HSF2: variants seen among roughly 807,000 people sequenced by gnomAD.
HSF2 encodes the protein heat shock factor protein 2.
Under a neutral mutation model 65.0 loss-of-function variants are expected in HSF2, and 21 were observed. The observed-to-expected ratio is 0.32, with a 90% CI of 0.23 to 0.47. HSF2 has a LOEUF of 0.47. Among genes scored for constraint, HSF2 ranks in the 20% least tolerant of loss-of-function variants. The pLI, the probability that HSF2 is intolerant of heterozygous loss-of-function variation, is 1.00. For synonymous variants in HSF2, 225 were observed against 219.1 expected, an observed-to-expected ratio of 1.03 and a Z score of -0.24; for missense variants, 499 against 628.1, an observed-to-expected ratio of 0.79 and a Z score of 2.20.
chr6:122,402,607 C>T lies in HSF2; in HGVS notation c.93+2777C>T, dbSNP rs115447093. On this transcript the variant is annotated intron_variant, in intron 1 of 12. Coordinates refer to ENST00000368455, the MANE Select transcript of HSF2 (RefSeq NM_004506.4). ...AGTATCACTCTGTCACCCTGGAGTACGGTGGCACGATCTCGGCTCACTGCA... is the reference window on the plus strand; with the variant it reads ...AGTATCACTCTGTCACCCTGGAGTATGGTGGCACGATCTCGGCTCACTGCA... Among the ~76,000 whole-genome samples the T allele has an allele frequency of 2.1e-3, 311 of 151,602 alleles. 2 individuals are homozygous for T. The highest frequency in any genetic ancestry group is 0.014 in the Middle Eastern group (4 of 294).
chr6:122,408,037 G>A (rs1266920082), intron 1 of HSF2, among the ~76,000 whole-genome samples: 1 of 151,964 alleles, frequency 6.6e-6, no homozygotes, highest in East Asian at 1.9e-4. Flanking sequence ...AACCTGGGGG[G>A]TCCTATCTTC....
rs370931192 is a variant in HSF2 at position 122,399,704 on chromosome 6, G to A, written c.-34G>A. ...CCGCCGCCGCTACCACCGCGTTCGG[G>A]TGTAGAATTTGGAATCCCTGCGCCG... is the stretch of plus-strand genomic sequence containing the variant. On this transcript the variant is annotated 5_prime_UTR_variant, in exon 1 of 13. It adds an upstream start codon to the 5' untranslated region. Coordinates refer to ENST00000368455, the MANE Select transcript of HSF2 (RefSeq NM_004506.4). The A allele has an allele frequency of 1.1e-4, 175 of 1,559,346 alleles. No homozygotes were observed. Among genetic ancestry groups the A allele is most frequent in the East Asian group, 9.0e-4 (39 of 43,118 alleles).
At chr6:122,425,065 G>T (rs1387486534) in intron 10 of HSF2, among the ~76,000 whole-genome samples, 1 of 151,702 alleles carries the variant, frequency 6.6e-6, no homozygotes, top group Non-Finnish European at 1.5e-5. Flanking sequence ...CCTATCCTTT[G>T]CCTCTGTATT....
intron 6 of HSF2, 149 bp downstream of exon 6, chr6:122,419,378 A>G: frequency 2.0e-6 from 1 of 503,920 alleles, no homozygotes; most frequent in South Asian, 3.2e-5. Flanking sequence ...TAAAATCTCT[A>G]GAGTAGTATT....
In HSF2 at chr6:122,422,879, G is replaced by C. The variant is rs1217611627; in HGVS notation, c.992G>C (p.Gly331Ala). The C allele has an allele frequency of 1.9e-6, 3 of 1,613,484 alleles. No individual in the cohort carries two copies. The Admixed American group carries it at 5.0e-5, about 27-fold the overall frequency. The change falls in exon 9 of 13, where the codon GGC becomes GCC. Residue 331 changes from glycine to alanine, a missense_variant. Physicochemically the swap from Gly to Ala is moderately conservative, Grantham distance 60. Around this residue, in one of 2 missense-constraint regions of HSF2, gnomAD observed 349 missense variants for 393.5 expected, o/e 0.89. Coordinates refer to ENST00000368455, the MANE Select transcript of HSF2 (RefSeq NM_004506.4). ...PLMSSAVQLN[G>A]SSSLTSEDPV... ...ATGTCTAGTGCTGTCCAGCTAAATG[G>C]CTCATCCAGTCTGACCTCAGAAGAT... is the stretch of plus-strand genomic sequence containing the variant.
chr6:122,410,953 T>G (rs1377069084), intron 1 of HSF2, among the ~76,000 whole-genome samples: 14 of 149,302 alleles, frequency 9.4e-5, no homozygotes, highest in Non-Finnish European at 1.9e-4. Flanking sequence ...TTTGGGTTTT[T>G]TTTTTTTTTT....
Position 122,427,846 on chromosome 6 carries a change from A to G in HSF2, c.1177-57A>G, listed in dbSNP as rs1774371375. ...AACATGGCTGTATAAAATTTTGAAC[A>G]CACAATTATTTTTAATTATTTTTTA... On this transcript the variant is annotated intron_variant, in intron 10 of 12. Transcript: ENST00000368455. 5 of 1,336,044 alleles carry G rather than the reference A, an allele frequency of 3.7e-6. No homozygotes were observed. In the South Asian group the frequency reaches 3.8e-5, roughly 10 times the overall value. 82.8% of individuals were successfully genotyped at this position (1,336,044 alleles called of 1,614,324 possible).
chr6:122,422,128 A>AT, intron 7 of HSF2, 22 bp from the exon 8 acceptor site: 1 of 1,534,606 alleles, frequency 6.5e-7, no homozygotes, highest in Non-Finnish European at 8.8e-7. Flanking sequence ...TTTTAGATAT[A>AT]TTTTTCTCTC....
chr6:122,406,459 T>C (rs941740499), intron 1 of HSF2, among the ~76,000 whole-genome samples: 1 of 152,086 alleles, frequency 6.6e-6, no homozygotes, highest in Non-Finnish European at 1.5e-5. Context: ...TATAGGGCCC[T>C]AGATCTATAG....
intron 4 of HSF2, among the ~76,000 whole-genome samples, chr6:122,414,779 G>A (rs1774085484): frequency 6.6e-6 from 1 of 151,826 alleles, no homozygotes. Context: ...GCATGTGCCA[G>A]CTAATTTTTG....
intron 6 of HSF2, 84 bp from the exon 7 acceptor site, chr6:122,420,047 ATGTG>A: frequency 7.8e-7 from 1 of 1,277,614 alleles, no homozygotes; most frequent in East Asian, 2.5e-5. Context: ...GTGAGTGTGC[ATGTG>A]TGTGTGTTTG....
In HSF2 at chr6:122,399,657, C is replaced by CG. The variant is rs1361658618; in HGVS notation, c.-77dup. On this transcript the variant is annotated 5_prime_UTR_variant, in exon 1 of 13. Transcript: ENST00000368455. ...GCTGCGCCTGCGTTGTGGGCGTTCT[C>CG]GGGGAGCTGCTGCCGTAGCTGCCGC... The CG allele has an allele frequency of 2.0e-6, 2 of 992,624 alleles. No homozygotes were observed. Among genetic ancestry groups the CG allele is most frequent in the Non-Finnish European group, 3.0e-6 (2 of 662,592 alleles). 61.5% of individuals were successfully genotyped at this position (992,624 alleles called of 1,614,324 possible).
chr6:122,409,689 A>C lies in HSF2; in HGVS notation c.94-2684A>C, dbSNP rs1773946462. ...TCATTTATGAGTCTGGGTCTCTTCT[A>C]AATTTCACAATGTGTTTTTCATCAA... On this transcript the variant is annotated intron_variant, in intron 1 of 12. Transcript: ENST00000368455. Among the ~76,000 whole-genome samples, 2 of 151,976 alleles carry C rather than the reference A, an allele frequency of 1.3e-5. 1 individual carries two copies. The highest frequency in any genetic ancestry group is 2.9e-5 in the Non-Finnish European group (2 of 67,902).
chr6:122,423,397 A>G (rs1774277588), intron 9 of HSF2, among the ~76,000 whole-genome samples, 184 bp from the exon 10 acceptor site: 1 of 152,144 alleles, frequency 6.6e-6, no homozygotes, highest in Admixed American at 6.6e-5. Flanking sequence ...TGTAAAGGCT[A>G]TGAATTTTCA....
In HSF2 at chr6:122,420,226, A is replaced by AT. The variant is rs765967053; in HGVS notation, c.681+10dup. Reference sequence around the variant, plus strand: ...AACTGATAATCATCATCATAAAGTAATTTTTTAGTTAGGGTCTATTTTATA... The same window carrying AT: ...AACTGATAATCATCATCATAAAGTAATTTTTTTAGTTAGGGTCTATTTTATA... On this transcript the variant is annotated splice_donor_region_variant and intron_variant, in intron 7 of 12. Coordinates refer to ENST00000368455, the MANE Select transcript of HSF2 (RefSeq NM_004506.4). The AT allele has an allele frequency of 5.2e-4, 830 of 1,584,446 alleles. 2 individuals are homozygous for AT. Among genetic ancestry groups the AT allele is most frequent in the Non-Finnish European group, 5.0e-4 (582 of 1,157,534 alleles).
upstream of HSF2, chr6:122,399,611 G>T (rs372933458): frequency 1.4e-4 from 99 of 730,374 alleles, no homozygotes; most frequent in African/African-American, 4.4e-4. Flanking sequence ...GGCGGGGTTG[G>T]GGGGGCGGGG....
At chr6:122,418,488 T>G (rs1774169278) in intron 5 of HSF2, among the ~76,000 whole-genome samples, 1 of 152,242 alleles carries the variant, frequency 6.6e-6, no homozygotes, top group Admixed American at 6.5e-5. Flanking sequence ...CTTGTTTGTG[T>G]GTCTTCACAA....
At chr6:122,424,317 G>A (rs1384320991) in intron 10 of HSF2, among the ~76,000 whole-genome samples, 1 of 151,698 alleles carries the variant, frequency 6.6e-6, no homozygotes, top group African/African-American at 2.4e-5. Context: ...CTTCCTACGT[G>A]GTCTGGTCGC....
intron 4 of HSF2, among the ~76,000 whole-genome samples, chr6:122,414,819 G>A (rs189400706): frequency 2.0e-5 from 3 of 152,274 alleles, no homozygotes; most frequent in East Asian, 1.9e-4. Context: ...GTTTCACTGT[G>A]TTGGCCAGGC....
Sources: allele counts gnomAD v4.1 joint callset (sites outside exome capture counted in the v4.1 genomes callset), GRCh38; gene constraint gnomAD v4.1.1; regional missense constraint gnomAD v4.1.1; transcripts MANE v1.5; gene names NCBI Gene and HGNC (gene_info 2026-07-23, HGNC 2026-07-21).